CHRNA5: variants seen among roughly 807,000 people sequenced by gnomAD.
CHRNA5 encodes the protein cholinergic receptor nicotinic alpha 5 subunit.
Under a neutral mutation model 41.2 loss-of-function variants are expected in CHRNA5, and 28 were observed. The observed-to-expected ratio is 0.68, with a 90% CI of 0.50 to 0.93. The LOEUF (loss-of-function observed/expected upper bound fraction) is 0.93, where lower values mean the gene tolerates loss of function less well. CHRNA5 is among the 40% of genes least tolerant of loss of function. The probability of loss-of-function intolerance (pLI) is 0.00; values close to 1 mark genes in which losing one functional copy is unlikely to be tolerated. For synonymous variants in CHRNA5, 188 were observed against 205.8 expected (o/e 0.91, Z 0.74); for missense variants, 481 against 581.9 (o/e 0.83, Z 1.78).
chr15:78,565,775 T>G (rs2141391074), exon 1 of CHRNA5: 1 of 1,218,260 alleles, frequency 8.2e-7, no homozygotes, highest in East Asian at 3.3e-5. Flanking sequence ...TTGGTCCAGC[T>G]GGTCGCGGGG....
exon 5 of CHRNA5, chr15:78,589,894 G>A (rs1446367616): frequency 6.2e-7 from 1 of 1,614,164 alleles, no homozygotes; most frequent in East Asian, 2.2e-5. Context: ...AACTACAAAA[G>A]TTCCTGTACC....
intron 1 of CHRNA5, among the ~76,000 whole-genome samples, chr15:78,572,024 T>C (rs2052810389): frequency 6.6e-6 from 1 of 152,172 alleles, no homozygotes; most frequent in South Asian, 2.1e-4. Flanking sequence ...TGCTAACTTA[T>C]AAAAAGATGC....
chr15:78,589,720 C>A, intron 4 of CHRNA5, 85 bp from the exon 5 acceptor site: 3 of 1,064,888 alleles, frequency 2.8e-6, no homozygotes, highest in Non-Finnish European at 4.1e-6. Context: ...CAATGATAGG[C>A]CTGCTTTTAT....
chr15:78,593,250 G>A, exon 6 of CHRNA5: 2 of 1,609,126 alleles, frequency 1.2e-6, no homozygotes, highest in Non-Finnish European at 1.7e-6. Flanking sequence ...ATGCAAATAA[G>A]TGAAGCCTCC....
intron 1 of CHRNA5, among the ~76,000 whole-genome samples, chr15:78,569,162 A>G (rs1225826240): frequency 6.6e-6 from 1 of 152,186 alleles, no homozygotes; most frequent in African/African-American, 2.4e-5. Context: ...TTGTCTGTGT[A>G]TTTCCTGATA....
At chr15:78,568,045 G>GT (rs2052765961) in intron 1 of CHRNA5, among the ~76,000 whole-genome samples, 1 of 152,192 alleles carries the variant, frequency 6.6e-6, no homozygotes, top group Non-Finnish European at 1.5e-5. Flanking sequence ...GGTAGTAGAT[G>GT]TTTTTAAGTC....
intron 1 of CHRNA5, among the ~76,000 whole-genome samples, chr15:78,568,911 A>G (rs1354733164): frequency 6.6e-6 from 1 of 152,206 alleles, no homozygotes; most frequent in Non-Finnish European, 1.5e-5. Flanking sequence ...AGGAAAATGA[A>G]ATAATTCATA....
chr15:78,595,194 T>A, exon 6 of CHRNA5: 2 of 718,024 alleles, frequency 2.8e-6, no homozygotes, highest in Non-Finnish European at 3.4e-6. Flanking sequence ...CCTACCTTAG[T>A]TCGTATACAT....
intron 5 of CHRNA5, among the ~76,000 whole-genome samples, chr15:78,591,992 T>C (rs1347160297): frequency 6.6e-6 from 1 of 152,218 alleles, no homozygotes; most frequent in Non-Finnish European, 1.5e-5. Context: ...CTCATACTAC[T>C]AGGACCAAGG....
chr15:78,568,456 A>AT (rs1476654841), intron 1 of CHRNA5, among the ~76,000 whole-genome samples: 8 of 137,932 alleles, frequency 5.8e-5, no homozygotes, highest in Non-Finnish European at 1.3e-4. Flanking sequence ...GTGACATTTT[A>AT]TTTTTTTAAT....
At chr15:78,586,426 C>A (rs1413306542) in intron 2 of CHRNA5, among the ~76,000 whole-genome samples, 1 of 152,074 alleles carries the variant, frequency 6.6e-6, no homozygotes, top group East Asian at 1.9e-4. Flanking sequence ...CCAAAGGTAT[C>A]TTTTAGTGTA....
intron 2 of CHRNA5, among the ~76,000 whole-genome samples, chr15:78,582,729 T>C (rs1430247559): frequency 6.6e-6 from 1 of 152,140 alleles, no homozygotes. Flanking sequence ...AGGAAAAGTA[T>C]TTAAGTACAA....
intron 1 of CHRNA5, among the ~76,000 whole-genome samples, chr15:78,570,449 T>TA (rs1491500219): frequency 2.8e-5 from 4 of 141,962 alleles, no homozygotes; most frequent in Non-Finnish European, 6.1e-5. Context: ...TTTTTTTTTT[T>TA]AGTAAAGACA....
chr15:78,580,965 A>G lies in CHRNA5; in HGVS notation c.258+3A>G, dbSNP rs766144208. ...CAATATCTCAATTGGTGGATGTGGT[A>G]GGTGTGCATATCCTTCTATAGTCAA... is the stretch of plus-strand genomic sequence containing the variant. On this transcript the variant is annotated splice_donor_region_variant and intron_variant, in intron 2 of 5. Transcript: ENST00000299565. The G allele has an allele frequency of 6.2e-7, 1 of 1,611,448 alleles. No individual in the cohort carries two copies. The highest frequency in any genetic ancestry group is 1.1e-5 in the South Asian group (1 of 90,952).
intron 1 of CHRNA5, among the ~76,000 whole-genome samples, chr15:78,567,230 G>A (rs1223440552): frequency 6.7e-6 from 1 of 149,028 alleles, no homozygotes; most frequent in African/African-American, 2.5e-5. Flanking sequence ...TCCAGCCTGG[G>A]CAACACAGCG....
chr15:78,576,298 T>A (rs1412494732), intron 1 of CHRNA5, among the ~76,000 whole-genome samples: 1 of 152,062 alleles, frequency 6.6e-6, no homozygotes, highest in Non-Finnish European at 1.5e-5. Flanking sequence ...AGGCGCGTGC[T>A]ACACGCCCAG....
chr15:78,573,627 A>G (rs565701455), intron 1 of CHRNA5, among the ~76,000 whole-genome samples: 106 of 152,322 alleles, frequency 7.0e-4, no homozygotes, highest in African/African-American at 2.2e-3. Flanking sequence ...TTTAAATTAT[A>G]GTTAATGTCT....
chr15:78,592,061 C>G (rs183591759), intron 5 of CHRNA5, among the ~76,000 whole-genome samples: 33 of 152,266 alleles, frequency 2.2e-4, no homozygotes, highest in Admixed American at 1.9e-3. Context: ...CGGTGGCTCA[C>G]GCCTGTAATC....
chr15:78,577,585 C>T (rs1043299320), intron 1 of CHRNA5, among the ~76,000 whole-genome samples: 4 of 152,088 alleles, frequency 2.6e-5, no homozygotes, highest in Non-Finnish European at 4.4e-5. Context: ...TTTGAGATAG[C>T]GACTCAAGCT....
Sources: gnomAD v4.1 joint callset for allele counts (sites outside exome capture counted in the v4.1 genomes callset) on GRCh38, gnomAD v4.1.1 for gene constraint, MANE v1.5 for transcripts, NCBI Gene and HGNC (gene_info 2026-07-23, HGNC 2026-07-21) for gene names.